The following CMSS1 variants were observed in gnomAD, a reference collection of about 807,000 sequenced individuals.
CMSS1 encodes protein CMSS1.
A neutral mutation model predicts 43.5 loss-of-function variants in CMSS1; 33 were observed. That is an observed-to-expected ratio of 0.76 (90% confidence interval 0.57 to 1.01). The LOEUF is 1.01. CMSS1 is among the 50% of genes least tolerant of loss of function. The pLI, the probability that CMSS1 is intolerant of heterozygous loss-of-function variation, is 0.00. For synonymous variants in CMSS1, 115 were observed against 117.2 expected (o/e 0.98, Z 0.12); for missense variants, 313 against 326.4 (o/e 0.96, Z 0.32).
intron 1 of CMSS1, among the ~76,000 whole-genome samples, chr3:99,981,869 T>C (rs1709134500): frequency 6.6e-6 from 1 of 152,202 alleles, no homozygotes; most frequent in African/African-American, 2.4e-5. Flanking sequence ...CCAGGCATGG[T>C]GGCTCACACC....
At chr3:100,023,622 C>G (rs1162905170) in intron 1 of CMSS1, 1 of 152,340 alleles carries the variant, frequency 6.6e-6, no homozygotes, top group African/African-American at 2.4e-5. Context: ...ATTATTTGCT[C>G]TAATAATGTA....
intron 1 of CMSS1, among the ~76,000 whole-genome samples, chr3:99,867,732 C>T (rs991338058): frequency 1.3e-5 from 2 of 152,138 alleles, no homozygotes; most frequent in Admixed American, 1.3e-4. Flanking sequence ...GTCCTTTCCT[C>T]CCTTCTTTCC....
rs63321762 is a variant in CMSS1 at position 99,988,341 on chromosome 3, C to CAAAAAAA, written c.65-158616_65-158610dup. Among the ~76,000 whole-genome samples the CAAAAAAA allele has an allele frequency of 1.9e-4, 12 of 62,312 alleles. 1 individual carries two copies. Among genetic ancestry groups the CAAAAAAA allele is most frequent in the African/African-American group, 4.0e-4 (8 of 19,794 alleles). The allele number at this position is 62,312 out of a possible 152,430, so 40.9% of individuals were successfully genotyped here. On this transcript the variant is annotated intron_variant, in intron 1 of 9. Coordinates refer to ENST00000421999, the MANE Select transcript of CMSS1 (RefSeq NM_032359.4). The stretch of plus-strand genomic sequence containing the variant: ...CAAAACCCCACCTCTACTAAAAATC[C>CAAAAAAA]AAAAAAAAAAAAAAAAAAAAAATTA...
intron 1 of CMSS1, among the ~76,000 whole-genome samples, chr3:99,884,586 T>C (rs1201066435): frequency 2.6e-5 from 4 of 152,162 alleles, no homozygotes; most frequent in African/African-American, 7.2e-5. Flanking sequence ...TCCCACTTTA[T>C]GGGATTCTGT....
intron 1 of CMSS1, among the ~76,000 whole-genome samples, chr3:99,990,887 T>C (rs1709490705): frequency 6.6e-6 from 1 of 152,224 alleles, no homozygotes; most frequent in African/African-American, 2.4e-5. Context: ...GACTCCCATC[T>C]ATGCAGAGAG....
intron 1 of CMSS1, among the ~76,000 whole-genome samples, chr3:100,127,523 T>C (rs1205376243): frequency 6.6e-6 from 1 of 152,202 alleles, no homozygotes; most frequent in Non-Finnish European, 1.5e-5. Context: ...CCTGTTTACC[T>C]CAGTGTCTCA....
rs148723934 is a variant in CMSS1 at position 99,946,354 on chromosome 3, A to C, written c.64+128311A>C. Among the ~76,000 whole-genome samples the C allele has an allele frequency of 4.6e-3, 696 of 152,360 alleles. 2 individuals carry two copies. Among genetic ancestry groups the C allele is most frequent in the South Asian group, 7.0e-3 (34 of 4,832 alleles). ...ACAACTATCAATGGAGAATTTGGAA[A>C]TTTTTTGTTACGGAAAAGGAGTTTT... is the stretch of plus-strand genomic sequence containing the variant. On this transcript the variant is annotated intron_variant, in intron 1 of 9. Transcript: ENST00000421999.
rs534519427 is a variant in CMSS1, at chr3:100,131,180, A to G, written c.65-15793A>G. ...AATATCCCTGTTTTATAGATGAGGAAACTAAGGCGCAAAAAGAGCAAGTAA... is the reference window on the plus strand; with the variant it reads ...AATATCCCTGTTTTATAGATGAGGAGACTAAGGCGCAAAAAGAGCAAGTAA... On this transcript the variant is annotated intron_variant, in intron 1 of 9. Coordinates refer to ENST00000421999, the MANE Select transcript of CMSS1 (RefSeq NM_032359.4). 3.9e-5 allele frequency among the ~76,000 whole-genome samples: 6 copies of G among 152,278 alleles called. No homozygotes were observed. In the South Asian group the frequency reaches 1.2e-3, roughly 32 times the overall value.
chr3:100,063,808 C>T (rs2065614800), intron 1 of CMSS1, among the ~76,000 whole-genome samples: 1 of 152,102 alleles, frequency 6.6e-6, no homozygotes, highest in Non-Finnish European at 1.5e-5. Context: ...ATTTTTAAAG[C>T]ATCTAATTTC....
intron 1 of CMSS1, among the ~76,000 whole-genome samples, chr3:100,090,587 C>T (rs965999613): frequency 4.6e-5 from 7 of 152,330 alleles, no homozygotes; most frequent in African/African-American, 1.7e-4. Context: ...TCTTTCTCTG[C>T]AACACTAGCC....
intron 2 of CMSS1, among the ~76,000 whole-genome samples, chr3:100,153,032 A>G (rs2066934880): frequency 6.6e-6 from 1 of 152,240 alleles, no homozygotes; most frequent in South Asian, 2.1e-4. Context: ...TAAAGTATGT[A>G]TATTTTCTTT....
At chr3:100,046,895 G>A (rs573915384) in intron 1 of CMSS1, among the ~76,000 whole-genome samples, 48 of 152,300 alleles carry the variant, frequency 3.2e-4, no homozygotes, top group African/African-American at 1.2e-3. Flanking sequence ...CAGGACTACT[G>A]TTGGTAGGCA....
At chr3:100,131,496 G>A (rs148625908) in intron 1 of CMSS1, among the ~76,000 whole-genome samples, 12 of 152,318 alleles carry the variant, frequency 7.9e-5, no homozygotes, top group African/African-American at 2.4e-4. Flanking sequence ...GCAGAGGTGT[G>A]ATGTGAACCA....
intron 1 of CMSS1, among the ~76,000 whole-genome samples, chr3:100,101,795 A>G (rs1229690655): frequency 2.0e-5 from 3 of 151,728 alleles, no homozygotes; most frequent in Admixed American, 6.6e-5. Context: ...AACAGGCCCC[A>G]GTGTGTGATG....
At chr3:100,099,818 A>G (rs191909819) in intron 1 of CMSS1, among the ~76,000 whole-genome samples, 6 of 152,308 alleles carry the variant, frequency 3.9e-5, no homozygotes, top group Admixed American at 3.3e-4. Context: ...GAACCACTTA[A>G]GTATGGTAAA....
chr3:100,018,735 C>CAAAAAAAAAAAAAAAAAAA (rs61527233), intron 1 of CMSS1, among the ~76,000 whole-genome samples: 1 of 120,234 alleles, frequency 8.3e-6, no homozygotes, highest in African/African-American at 3.1e-5. Flanking sequence ...TTCCGCATAG[C>CAAAAAAAAAAAAAAAAAAA]AAAAAAAAAA....
intron 1 of CMSS1, among the ~76,000 whole-genome samples, chr3:100,003,913 A>G (rs1709913806): frequency 6.6e-6 from 1 of 152,198 alleles, no homozygotes; most frequent in Non-Finnish European, 1.5e-5. Context: ...AAAAATTTAC[A>G]TTGTGCAAAC....
At chr3:100,093,797 C>G (rs1377629060) in intron 1 of CMSS1, among the ~76,000 whole-genome samples, 1 of 152,226 alleles carries the variant, frequency 6.6e-6, no homozygotes, top group African/African-American at 2.4e-5. Flanking sequence ...TAGAATCATA[C>G]AACATGTAAC....
At chr3:99,893,062 T>A (rs1206261607) in intron 1 of CMSS1, among the ~76,000 whole-genome samples, 1 of 152,120 alleles carries the variant, frequency 6.6e-6, no homozygotes, top group Admixed American at 6.5e-5. Flanking sequence ...TCTGTGTGTC[T>A]GTTCTCTCAA....
Sources: allele counts gnomAD v4.1 joint callset (sites outside exome capture counted in the v4.1 genomes callset), GRCh38; gene constraint gnomAD v4.1.1; transcripts MANE v1.5; gene names NCBI Gene and HGNC (gene_info 2026-07-23, HGNC 2026-07-21).